SLC5A10: variants seen among roughly 807,000 people sequenced by gnomAD.
SLC5A10 encodes the protein sodium/mannose cotransporter SLC5A10.
A neutral mutation model predicts 68.9 loss-of-function variants in SLC5A10; 55 were observed. The observed-to-expected ratio is 0.80, with a 90% CI of 0.64 to 1.00. SLC5A10 has a LOEUF of 1.00. Among genes scored for constraint, SLC5A10 ranks in the 50% least tolerant of loss-of-function variants. The probability of loss-of-function intolerance (pLI) is 0.00; values close to 1 mark genes in which losing one functional copy is unlikely to be tolerated. For synonymous variants in SLC5A10, 344 were observed against 344.8 expected, an observed-to-expected ratio of 1.00 and a Z score of 0.02; for missense variants, 732 against 819.3, an observed-to-expected ratio of 0.89 and a Z score of 1.30.
At chr17:19,009,774 C>T (rs1183924877) in intron 9 of SLC5A10, among the ~76,000 whole-genome samples, 2 of 152,078 alleles carry the variant, frequency 1.3e-5, no homozygotes, top group Admixed American at 1.3e-4. Flanking sequence ...CCTGAGGCCC[C>T]ATAGTCATAG....
At chr17:18,986,226 T>C (rs1042260068) in intron 9 of SLC5A10, 2 of 152,192 alleles carry the variant, frequency 1.3e-5, no homozygotes, top group East Asian at 1.9e-4. Context: ...GGTTTATTGA[T>C]AGTTGAGTAG....
At position 19,017,349 on chromosome 17, in the gene SLC5A10, C is replaced by T. The variant is rs1274924619; in HGVS notation, c.1242-2074C>T. 6.4e-7 allele frequency: 1 copy of T among 1,551,900 alleles called. No individual in the cohort carries two copies. Among genetic ancestry groups the T allele is most frequent in the Non-Finnish European group, 8.7e-7 (1 of 1,147,064 alleles). ...CTCAGCTTCCTCCTGCCCGAAACAC[C>T]ACCATTGGAGCGGTATCTCCTAGGC... On this transcript the variant is annotated intron_variant, in intron 11 of 14. Transcript: ENST00000395645. This position sits in a 1 kb window ranked among gnomAD's most constrained non-coding sequence, Gnocchi z 5.6.
At chr17:19,013,088 G>A (rs1001166288) in intron 9 of SLC5A10, among the ~76,000 whole-genome samples, 1 of 152,216 alleles carries the variant, frequency 6.6e-6, no homozygotes, top group Non-Finnish European at 1.5e-5. Flanking sequence ...GGCTGGGGAC[G>A]AGGGGGGCAA....
At chr17:19,001,910 C>A (rs1342162589) in intron 9 of SLC5A10, among the ~76,000 whole-genome samples, 1 of 152,144 alleles carries the variant, frequency 6.6e-6, no homozygotes, top group African/African-American at 2.4e-5. Flanking sequence ...AGCAGGTCCC[C>A]CTACCCATGG....
rs958696223 is a variant in SLC5A10 at position 18,968,853 on chromosome 17, C to T, written c.454-199C>T. The T allele has an allele frequency of 3.4e-6, 2 of 584,796 alleles. No homozygotes were observed. Among genetic ancestry groups the T allele is most frequent in the Non-Finnish European group, 3.0e-6 (1 of 330,254 alleles). 36.2% of individuals were successfully genotyped at this position (584,796 alleles called of 1,614,324 possible). On this transcript the variant is annotated intron_variant, in intron 5 of 14. Transcript: ENST00000395645. This position sits in a 1 kb window ranked among gnomAD's most constrained non-coding sequence, Gnocchi z 4.1. ...ACAGTAATGTCCCCTGACATCCGCACAAGCTTGTAGCTCCACGGCCAGGTC... is the reference window on the plus strand; with the variant it reads ...ACAGTAATGTCCCCTGACATCCGCATAAGCTTGTAGCTCCACGGCCAGGTC...
At chr17:19,013,828 C>G (rs1397973971) in intron 10 of SLC5A10, among the ~76,000 whole-genome samples, 1 of 152,036 alleles carries the variant, frequency 6.6e-6, no homozygotes, top group Non-Finnish European at 1.5e-5. Flanking sequence ...GCTAAGCCCT[C>G]CAGGGCTGAC....
intron 9 of SLC5A10, among the ~76,000 whole-genome samples, chr17:19,005,759 C>T (rs1317786437): frequency 6.6e-6 from 1 of 152,108 alleles, no homozygotes; most frequent in Non-Finnish European, 1.5e-5. Context: ...CCTTGTGGTC[C>T]CCATCACTGA....
In SLC5A10 at chr17:19,016,637, G is replaced by A. The variant is rs141053552; in HGVS notation, c.1241+1438G>A. ...GTTGGGACACGCCAGAGGCGGGTGCGAGTGAGCTCATCCACGGGCTCACAG... is the reference window on the plus strand; with the variant it reads ...GTTGGGACACGCCAGAGGCGGGTGCAAGTGAGCTCATCCACGGGCTCACAG... On this transcript the variant is annotated intron_variant, in intron 11 of 14. Coordinates refer to ENST00000395645, the MANE Select transcript of SLC5A10 (RefSeq NM_001042450.4). Among the ~76,000 whole-genome samples the A allele has an allele frequency of 4.2e-3, 637 of 152,222 alleles. 3 individuals are homozygous for A. Among genetic ancestry groups the A allele is most frequent in the African/African-American group, 0.015 (607 of 41,522 alleles).
chr17:18,966,764 A>T (rs572367746), intron 5 of SLC5A10, among the ~76,000 whole-genome samples: 73 of 151,464 alleles, frequency 4.8e-4, no homozygotes, highest in African/African-American at 1.7e-3. Flanking sequence ...AAAAAAAAAA[A>T]AACAACACTC....
At position 18,976,956 on chromosome 17, in the gene SLC5A10, AT is replaced by A. The variant is rs761435407; in HGVS notation, c.950del (p.Met317SerfsTer4). ...GATGCTCCCCATGGGCCTGATCATC[AT>A]GCCGGGCATGATCAGCCGCGCATTG... ...LKMLPMGLII[M>X]PGMISRALFP... On this transcript the variant is annotated frameshift_variant, in exon 9 of 15. Transcript: ENST00000395645. LOFTEE classifies it high-confidence loss of function. 1.2e-6 allele frequency: 2 copies of A among 1,613,094 alleles called. No homozygotes were observed. Among genetic ancestry groups the A allele is most frequent in the Non-Finnish European group, 1.7e-6 (2 of 1,179,822 alleles).
At chr17:18,962,349 G>A (rs1271148266) in intron 5 of SLC5A10, among the ~76,000 whole-genome samples, 1 of 152,194 alleles carries the variant, frequency 6.6e-6, no homozygotes, top group African/African-American at 2.4e-5. Context: ...GGAAGAGGCA[G>A]GATGTGTCTG....
intron 1 of SLC5A10, among the ~76,000 whole-genome samples, chr17:18,955,503 C>T (rs1011896902): frequency 6.6e-6 from 1 of 152,192 alleles, no homozygotes; most frequent in South Asian, 2.1e-4. Context: ...TGGCCCCCAG[C>T]AACTGCCAGC....
At chr17:18,988,554 C>T (rs1472102597) in intron 9 of SLC5A10, 18 of 1,405,942 alleles carry the variant, frequency 1.3e-5, no homozygotes, top group East Asian at 4.9e-5. Context: ...GCCTCAGGCC[C>T]GGGACCAGGA....
chr17:19,008,538 T>TAAACA (rs2043947746), intron 9 of SLC5A10, among the ~76,000 whole-genome samples: 1 of 151,864 alleles, frequency 6.6e-6, no homozygotes, highest in African/African-American at 2.4e-5. Flanking sequence ...CTTGCACTGT[T>TAAACA]GCCCAGGCTG....
chr17:18,952,235 C>A lies in SLC5A10; in HGVS notation c.30C>A (p.His10Gln). The change falls in exon 1 of 15, where the codon CAC becomes CAA. Residue 10 changes from histidine to glutamine, a missense_variant. Transcript: ENST00000395645. MAANSTSDL[H>Q]TPGTQLSVAD... ...CCGCCAACTCCACCAGCGACCTCCA[C>A]ACTCCCGGGACGCAGCTGAGCGTGG... The A allele has an allele frequency of 6.2e-7, 1 of 1,613,830 alleles. No homozygotes were observed. The highest frequency in any genetic ancestry group is 8.5e-7 in the Non-Finnish European group (1 of 1,179,868).
Position 18,959,161 on chromosome 17 carries a change from C to T in SLC5A10, c.210C>T (p.Ser70=), listed in dbSNP as rs753485335. ...TTGGAGCCTCCCTCTTCGCCAGCAG[C>T]GAGGGCTCTGGCCTCTTCATTGGAC... ...WPIGASLFAS[S]EGSGLFIGLA... Residue 70 remains serine (S), a synonymous_variant, in exon 3 of 15, where the codon AGC becomes AGT. Coordinates refer to ENST00000395645, the MANE Select transcript of SLC5A10 (RefSeq NM_001042450.4). 3.7e-5 allele frequency: 59 copies of T among 1,612,274 alleles called. No individual in the cohort carries two copies. The highest frequency in any genetic ancestry group is 4.6e-5 in the Non-Finnish European group (54 of 1,178,772).
Position 18,958,769 on chromosome 17 carries a change from C to G in SLC5A10, c.183+16C>G, listed in dbSNP as rs780547831. The G allele has an allele frequency of 1.9e-6, 3 of 1,613,842 alleles. No homozygotes were observed. The highest frequency in any genetic ancestry group is 1.7e-6 in the Non-Finnish European group (2 of 1,179,754). ...GTGGTGGCCGGTGAGTGCACCCTGA[C>G]TTCTCACACACCCCCACTTTGTCCG... On this transcript the variant is annotated intron_variant, in intron 2 of 14. Coordinates refer to ENST00000395645, the MANE Select transcript of SLC5A10 (RefSeq NM_001042450.4).
intron 2 of SLC5A10, 100 bp from the exon 3 acceptor site, chr17:18,959,035 C>T (rs1597814451): frequency 8.4e-7 from 1 of 1,194,422 alleles, no homozygotes; most frequent in Non-Finnish European, 1.2e-6. Context: ...GGGGCTAGGA[C>T]CCCGCTTAGG....
intron 8 of SLC5A10, among the ~76,000 whole-genome samples, chr17:18,973,951 G>A (rs561656996): frequency 1.4e-5 from 2 of 143,886 alleles, no homozygotes; most frequent in African/African-American, 2.6e-5. Flanking sequence ...GGAGTGCAGT[G>A]GTGTGATCTC....
Sources: allele counts gnomAD v4.1 joint callset (sites outside exome capture counted in the v4.1 genomes callset), GRCh38; gene constraint gnomAD v4.1.1; non-coding constraint Gnocchi (gnomAD v3.1); transcripts MANE v1.5; gene names NCBI Gene and HGNC (gene_info 2026-07-23, HGNC 2026-07-21).